The following NTRK2 variants were observed in gnomAD, a reference collection of about 807,000 sequenced individuals.
NTRK2 encodes the protein BDNF/NT-3 growth factors receptor.
NTRK2 carries 13 observed loss-of-function variants against 94.5 expected under a neutral mutation model. That is an observed-to-expected ratio of 0.14 (90% CI 0.09 to 0.22). The LOEUF is 0.22. NTRK2 is among the 10% of genes least tolerant of loss of function. NTRK2 has a pLI of 1.00. For missense variants in NTRK2, 639 were observed against 1,071.2 expected (o/e 0.60, Z 5.63); for synonymous variants, 372 against 407.4 (o/e 0.91, Z 1.05).
At chr9:84,788,687 C>A (rs1174626804) in intron 12 of NTRK2, among the ~76,000 whole-genome samples, 16 of 151,986 alleles carry the variant, frequency 1.1e-4, no homozygotes, top group African/African-American at 3.6e-4. Context: ...GGAGACACAG[C>A]ATGCATGAGG....
At chr9:84,886,030 G>GA (rs942528645) in intron 14 of NTRK2, among the ~76,000 whole-genome samples, 107 of 142,162 alleles carry the variant, frequency 7.5e-4, no homozygotes, top group South Asian at 1.8e-3. Context: ...GACTTCGTCT[G>GA]AAAAAAAAAA....
At chr9:84,918,115 C>G (rs1466629640) in intron 14 of NTRK2, among the ~76,000 whole-genome samples, 1 of 152,148 alleles carries the variant, frequency 6.6e-6, no homozygotes, top group South Asian at 2.1e-4. Context: ...GTCTGTGAAC[C>G]CACTTGTCAA....
chr9:84,877,127 A>G lies in NTRK2; in HGVS notation c.1633+9696A>G, dbSNP rs199664163. ...TCACACTTTCCTTCTCGGATTGTGT[A>G]TATGCTCTGCCACTTCCTACATATT... On this transcript the variant is annotated intron_variant, in intron 14 of 18. Coordinates refer to ENST00000277120, the MANE Select transcript of NTRK2 (RefSeq NM_006180.6). 1,533 of 1,064,952 alleles carry G rather than the reference A, an allele frequency of 1.4e-3. 4 individuals are homozygous for G. The highest frequency in any genetic ancestry group is 1.7e-3 in the Non-Finnish European group (1,468 of 879,060). 66.0% of individuals were successfully genotyped at this position (1,064,952 alleles called of 1,614,324 possible). A position where few individuals can be genotyped will look rare whatever the true frequency, so the allele number is the denominator to read the frequency against.
intron 16 of NTRK2, among the ~76,000 whole-genome samples, chr9:84,954,218 G>T (rs1409713745): frequency 1.3e-5 from 2 of 152,222 alleles, no homozygotes; most frequent in Non-Finnish European, 2.9e-5. Context: ...CCAGGGCAGA[G>T]CCCGACAGCA....
intron 2 of NTRK2, among the ~76,000 whole-genome samples, chr9:84,679,391 C>G (rs951843305): frequency 6.6e-6 from 1 of 152,108 alleles, no homozygotes; most frequent in Non-Finnish European, 1.5e-5. Context: ...GACTTGTGTA[C>G]TTTTTTCTGG....
chr9:84,752,850 C>T (rs886073902), intron 12 of NTRK2, among the ~76,000 whole-genome samples: 1 of 152,002 alleles, frequency 6.6e-6, no homozygotes, highest in Non-Finnish European at 1.5e-5. Context: ...TGTGTGGTCT[C>T]CTATAGATAG....
At chr9:84,942,691 C>T (rs2078452936) in intron 15 of NTRK2, among the ~76,000 whole-genome samples, 1 of 151,848 alleles carries the variant, frequency 6.6e-6, no homozygotes. Context: ...TCTATATTAT[C>T]ATTTCAATGT....
At chr9:84,825,568 G>T (rs936742183) in intron 12 of NTRK2, among the ~76,000 whole-genome samples, 1 of 152,152 alleles carries the variant, frequency 6.6e-6, no homozygotes, top group Non-Finnish European at 1.5e-5. Flanking sequence ...CAAGGGTGGG[G>T]TGACTAGGAG....
At chr9:84,994,073 G>A (rs916429043) in intron 17 of NTRK2, among the ~76,000 whole-genome samples, 2 of 152,042 alleles carry the variant, frequency 1.3e-5, no homozygotes, top group Non-Finnish European at 2.9e-5. Context: ...ACATCCTTTA[G>A]CCACTAAAGG....
At chr9:84,886,893 T>C (rs2076432326) in intron 14 of NTRK2, among the ~76,000 whole-genome samples, 1 of 152,192 alleles carries the variant, frequency 6.6e-6, no homozygotes, top group South Asian at 2.1e-4. Flanking sequence ...GAATTGGAAT[T>C]TGAAATCTCT....
At chr9:84,805,118 T>C (rs1177265828) in intron 12 of NTRK2, among the ~76,000 whole-genome samples, 2 of 152,210 alleles carry the variant, frequency 1.3e-5, no homozygotes, top group African/African-American at 4.8e-5. Context: ...GCCTGCTGAT[T>C]AGAGCACATT....
intron 12 of NTRK2, among the ~76,000 whole-genome samples, chr9:84,763,573 A>G (rs903910365): frequency 6.6e-6 from 1 of 152,146 alleles, no homozygotes; most frequent in African/African-American, 2.4e-5. Flanking sequence ...TCTGCTTAAC[A>G]TCTTGTTATT....
At chr9:84,930,618 T>G (rs2077991611) in intron 14 of NTRK2, among the ~76,000 whole-genome samples, 1 of 152,036 alleles carries the variant, frequency 6.6e-6, no homozygotes, top group African/African-American at 2.4e-5. Context: ...GGTAAAGGGA[T>G]GTTTAAGGAG....
chr9:84,924,289 AAGAAAG>A (rs1184417917), intron 14 of NTRK2, among the ~76,000 whole-genome samples: 14 of 145,744 alleles, frequency 9.6e-5, no homozygotes, highest in South Asian at 8.8e-4. Flanking sequence ...GAAAGAAAGA[AAGAAAG>A]AGGAAAAAAA....
chr9:84,831,672 T>C (rs1165036512), intron 12 of NTRK2, among the ~76,000 whole-genome samples: 3 of 152,156 alleles, frequency 2.0e-5, no homozygotes, highest in African/African-American at 7.2e-5. Flanking sequence ...ACGGAGCTAA[T>C]AAATGTCACA....
rs191971411 is a variant in NTRK2 at position 84,684,063 on chromosome 9, T to G, written c.212+13103T>G. ...TATGGGTTTTTTTTTCTTGTAAATT[T>G]GTTTAAGTTCCTTGTAGATTCTGGA... On this transcript the variant is annotated intron_variant, in intron 2 of 18. Coordinates refer to ENST00000277120, the MANE Select transcript of NTRK2 (RefSeq NM_006180.6). Among the ~76,000 whole-genome samples, 194 of 152,328 alleles carry G rather than the reference T, an allele frequency of 1.3e-3. 2 individuals carry two copies. The highest frequency in any genetic ancestry group is 4.5e-3 in the African/African-American group (188 of 41,574).
At chr9:84,992,856 T>C (rs1188407664) in intron 17 of NTRK2, among the ~76,000 whole-genome samples, 1 of 151,836 alleles carries the variant, frequency 6.6e-6, no homozygotes, top group Non-Finnish European at 1.5e-5. Context: ...CTGTGGACTC[T>C]CCTGGCAACT....
At chr9:84,957,836 A>T (rs2133010070) in intron 17 of NTRK2, among the ~76,000 whole-genome samples, 1 of 152,376 alleles carries the variant, frequency 6.6e-6, no homozygotes, top group African/African-American at 2.4e-5. Flanking sequence ...AAGTGGAAAC[A>T]AGTTTATTGT....
intron 6 of NTRK2, among the ~76,000 whole-genome samples, chr9:84,718,006 TCTC>T (rs1372156864): frequency 1.3e-5 from 2 of 151,512 alleles, no homozygotes; most frequent in Non-Finnish European, 2.9e-5. Context: ...TCCTTCTCCT[TCTC>T]CTTCTTCTTC....
Sources: allele counts gnomAD v4.1 joint callset (sites outside exome capture counted in the v4.1 genomes callset), GRCh38; gene constraint gnomAD v4.1.1; transcripts MANE v1.5; gene names NCBI Gene and HGNC (gene_info 2026-07-23, HGNC 2026-07-21).